Variants in UNC13C observed in about 807,000 individuals in gnomAD.
The protein encoded by UNC13C is protein unc-13 homolog C.
A neutral mutation model predicts 245.4 loss-of-function variants in UNC13C; 174 were observed. That is an observed-to-expected ratio of 0.71 (90% CI 0.63 to 0.80). UNC13C has a LOEUF of 0.80. Among genes scored for constraint, UNC13C ranks in the 30% least tolerant of loss-of-function variants. The pLI is 0.00. For synonymous variants in UNC13C, 992 were observed against 895.1 expected (o/e 1.11, Z -1.93); for missense variants, 2,829 against 2,602.9 (o/e 1.09, Z -1.89).
At chr15:54,118,672 T>A (rs536682065) in intron 2 of UNC13C, among the ~76,000 whole-genome samples, 1 of 152,248 alleles carries the variant, frequency 6.6e-6, no homozygotes, top group East Asian at 1.9e-4. Flanking sequence ...GGACTTCCAG[T>A]ATTATATTGG....
In UNC13C at chr15:54,500,995, G is replaced by T. The variant is rs1370163443; in HGVS notation, c.5301+17G>T. 1.2e-6 allele frequency: 2 copies of T among 1,609,614 alleles called. No individual in the cohort carries two copies. Among genetic ancestry groups the T allele is most frequent in the Non-Finnish European group, 1.7e-6 (2 of 1,177,548 alleles). ...TTTGCAAAGGTAGGTTAAATAAAAT[G>T]AGTCTTCTTTTTCTCTGGGTCTGTG... is the stretch of plus-strand genomic sequence containing the variant. On this transcript the variant is annotated intron_variant, in intron 22 of 32. Transcript: ENST00000260323.
At chr15:54,125,186 G>A (rs1480458231) in intron 2 of UNC13C, among the ~76,000 whole-genome samples, 1 of 152,102 alleles carries the variant, frequency 6.6e-6, no homozygotes, top group African/African-American at 2.4e-5. Flanking sequence ...TTCTAGGGCC[G>A]GGCACAGTGG....
chr15:54,468,231 G>A (rs756061728), intron 19 of UNC13C, among the ~76,000 whole-genome samples: 16 of 151,682 alleles, frequency 1.1e-4, no homozygotes, highest in Non-Finnish European at 2.2e-4. Flanking sequence ...TCATGTATCT[G>A]TTGGCCATTT....
intron 10 of UNC13C, among the ~76,000 whole-genome samples, chr15:54,282,666 A>G (rs73413837): frequency 6.6e-6 from 1 of 152,252 alleles, no homozygotes; most frequent in African/African-American, 2.4e-5. Context: ...GACAAGTGCA[A>G]GGGGCCAGTG....
At chr15:54,099,623 A>G (rs1900059768) in intron 2 of UNC13C, among the ~76,000 whole-genome samples, 1 of 152,110 alleles carries the variant, frequency 6.6e-6, no homozygotes, top group Admixed American at 6.6e-5. Flanking sequence ...TCATCTCACC[A>G]TCACTGAATT....
intron 1 of UNC13C, among the ~76,000 whole-genome samples, chr15:54,002,940 C>T (rs985840620): frequency 1.3e-5 from 2 of 152,154 alleles, no homozygotes; most frequent in Admixed American, 6.5e-5. Flanking sequence ...AGGAGGCCTG[C>T]GTTTTTGTTC....
chr15:54,136,758 G>C (rs1270397344), intron 2 of UNC13C, among the ~76,000 whole-genome samples: 1 of 152,052 alleles, frequency 6.6e-6, no homozygotes, highest in African/African-American at 2.4e-5. Context: ...ATCATGAAAA[G>C]ATGTTGAATT....
At chr15:54,275,907 CGTG>C (rs1434944553) in intron 10 of UNC13C, among the ~76,000 whole-genome samples, 1 of 151,840 alleles carries the variant, frequency 6.6e-6, no homozygotes, top group Non-Finnish European at 1.5e-5. Context: ...AGATATAAGT[CGTG>C]GTAAATCCAG....
In UNC13C at chr15:54,015,381, C is replaced by T; in HGVS notation, c.2478C>T (p.Gly826=). Residue 826 remains glycine, a synonymous_variant, in exon 2 of 33, where the codon GGC becomes GGT. Coordinates refer to ENST00000260323, the MANE Select transcript of UNC13C (RefSeq NM_001080534.3). ...TQSLSGYEDS[G]SSLMGRFRTL... is the part of the protein sequence containing the mutation. ...GTCTGAGTGGGTATGAGGACAGTGG[C>T]TCTTCATTAATGGGGAGATTTCGGA... The T allele has an allele frequency of 6.2e-7, 1 of 1,613,752 alleles. No individual in the cohort carries two copies. The highest frequency in any genetic ancestry group is 1.7e-5 in the Admixed American group (1 of 59,956).
intron 1 of UNC13C, among the ~76,000 whole-genome samples, chr15:54,010,462 G>A (rs1371155889): frequency 6.6e-6 from 1 of 152,092 alleles, no homozygotes; most frequent in East Asian, 1.9e-4. Flanking sequence ...AGATATTTAT[G>A]AAAGAGACAT....
intron 17 of UNC13C, among the ~76,000 whole-genome samples, chr15:54,355,056 G>A (rs1023809190): frequency 2.0e-5 from 3 of 152,054 alleles, no homozygotes; most frequent in Admixed American, 6.5e-5. Flanking sequence ...TCCTTGCCAC[G>A]TGATGCCCTG....
chr15:54,407,369 C>T lies in UNC13C; in HGVS notation c.4848-7613C>T, dbSNP rs982646469. ...AAGGAGGGGACACTGTGGATCGTGG[C>T]AGAGGTGGATGACTCTGGTAGCTAT... On this transcript the variant is annotated intron_variant, in intron 18 of 32. Transcript: ENST00000260323. Among the ~76,000 whole-genome samples the T allele has an allele frequency of 1.1e-4, 16 of 152,064 alleles. 2 individuals are homozygous for T. The highest frequency in any genetic ancestry group is 9.8e-4 in the Admixed American group (15 of 15,274).
At chr15:54,198,577 G>A (rs1263103309) in intron 4 of UNC13C, among the ~76,000 whole-genome samples, 2 of 152,120 alleles carry the variant, frequency 1.3e-5, no homozygotes, top group Non-Finnish European at 2.9e-5. Flanking sequence ...GAGCCTGGCA[G>A]CTCCACTGGG....
At chr15:54,555,081 T>G (rs1473783610) in intron 28 of UNC13C, among the ~76,000 whole-genome samples, 3 of 152,056 alleles carry the variant, frequency 2.0e-5, no homozygotes, top group African/African-American at 7.2e-5. Flanking sequence ...ATCCTTTTCA[T>G]GATTGATAGT....
intron 17 of UNC13C, among the ~76,000 whole-genome samples, chr15:54,347,170 T>C (rs1274103195): frequency 6.6e-6 from 1 of 152,160 alleles, no homozygotes; most frequent in Non-Finnish European, 1.5e-5. Context: ...GATAAGACTT[T>C]CTTTTTAAAT....
intron 2 of UNC13C, among the ~76,000 whole-genome samples, chr15:54,030,423 C>G (rs934572932): frequency 4.6e-5 from 7 of 151,968 alleles, no homozygotes; most frequent in African/African-American, 1.7e-4. Flanking sequence ...AAAGGTCTAA[C>G]TGATTGCAGT....
intron 19 of UNC13C, among the ~76,000 whole-genome samples, chr15:54,480,183 G>T (rs1302968440): frequency 6.6e-6 from 1 of 151,988 alleles, no homozygotes; most frequent in Non-Finnish European, 1.5e-5. Context: ...GAAGATCTGT[G>T]AGCTTCCTGT....
intron 30 of UNC13C, among the ~76,000 whole-genome samples, chr15:54,595,941 C>T (rs1346695748): frequency 6.6e-6 from 1 of 151,918 alleles, no homozygotes; most frequent in East Asian, 1.9e-4. Flanking sequence ...AAGTAGATAA[C>T]ATATTTCTTC....
intron 2 of UNC13C, among the ~76,000 whole-genome samples, chr15:54,132,075 T>TTTTTTTTTCTTTTTC (rs1491287141): frequency 0.018 from 36 of 1,970 alleles, no homozygotes; most frequent in South Asian, 0.14. Context: ...TTTCTTTTTC[T>TTTTTTTTTCTTTTTC]TTTTTTTTTT....
Sources: allele counts gnomAD v4.1 joint callset (sites outside exome capture counted in the v4.1 genomes callset), GRCh38; gene constraint gnomAD v4.1.1; transcripts MANE v1.5; gene names NCBI Gene and HGNC (gene_info 2026-07-23, HGNC 2026-07-21).